The following STXBP6 variants were observed in gnomAD, a reference collection of about 807,000 sequenced individuals.
STXBP6 encodes syntaxin-binding protein 6.
A neutral mutation model predicts 26.9 loss-of-function variants in STXBP6; 21 were observed. That is an observed-to-expected ratio of 0.78 (90% CI 0.55 to 1.12). STXBP6 has a LOEUF of 1.12. Ranked by LOEUF, STXBP6 falls within the 50% of genes most tolerant of loss-of-function variation. The probability of loss-of-function intolerance (pLI) is 0.00; values close to 1 mark genes in which losing one functional copy is unlikely to be tolerated. For synonymous variants in STXBP6, 97 were observed against 92.6 expected (o/e 1.05, Z -0.27); for missense variants, 232 against 257.9 (o/e 0.90, Z 0.69).
chr14:25,017,893 T>A (rs2075184514), intron 1 of STXBP6, among the ~76,000 whole-genome samples: 1 of 152,172 alleles, frequency 6.6e-6, no homozygotes, highest in Non-Finnish European at 1.5e-5. Context: ...GAATCTCTGC[T>A]TGCTATCCAG....
rs149163302 is a variant in STXBP6 at position 24,824,793 on chromosome 14, G to C, written c.452-5599C>G. Among the ~76,000 whole-genome samples the C allele has an allele frequency of 1.8e-3, 281 of 152,288 alleles. 1 individual carries two copies. Among genetic ancestry groups the C allele is most frequent in the African/African-American group, 6.2e-3 (258 of 41,552 alleles). On this transcript the variant is annotated intron_variant, in intron 4 of 5. Coordinates refer to ENST00000323944, the MANE Select transcript of STXBP6 (RefSeq NM_001394410.1). Reference sequence around the variant, plus strand: ...TGAACATCAGTCAATCACAATCACAGAACAGCTACCATACTAGGTGGCAGG... The same window carrying C: ...TGAACATCAGTCAATCACAATCACACAACAGCTACCATACTAGGTGGCAGG...
chr14:25,041,812 G>A (rs1294798108), intron 1 of STXBP6, among the ~76,000 whole-genome samples: 4 of 152,176 alleles, frequency 2.6e-5, no homozygotes, highest in African/African-American at 4.8e-5. Context: ...ACCTGATGTC[G>A]ATGCAACAGC....
chr14:24,842,100 CAT>C (rs1334783541), intron 4 of STXBP6, among the ~76,000 whole-genome samples: 1 of 152,112 alleles, frequency 6.6e-6, no homozygotes, highest in Non-Finnish European at 1.5e-5. Context: ...TTCTGGGTAA[CAT>C]GTGGGATATG....
intron 1 of STXBP6, among the ~76,000 whole-genome samples, chr14:25,043,099 A>G (rs900629388): frequency 1.4e-4 from 22 of 152,256 alleles, no homozygotes; most frequent in African/African-American, 5.3e-4. Context: ...GGTGGATCAC[A>G]AGGAAGCCTG....
chr14:24,819,399 C>T, intron 4 of STXBP6: 1 of 620,830 alleles, frequency 1.6e-6, no homozygotes, highest in Non-Finnish European at 2.9e-6. Context: ...ACTGCAGGAC[C>T]TAGGAAAATC....
intron 2 of STXBP6, among the ~76,000 whole-genome samples, chr14:24,962,907 A>G (rs1031128046): frequency 8.0e-5 from 12 of 150,428 alleles, no homozygotes; most frequent in African/African-American, 3.0e-4. Flanking sequence ...AAATCCAGCA[A>G]TAGATGAATG....
At chr14:24,864,234 G>A (rs545073315) in intron 2 of STXBP6, among the ~76,000 whole-genome samples, 22 of 152,224 alleles carry the variant, frequency 1.4e-4, no homozygotes, top group African/African-American at 4.6e-4. Context: ...TCCACAAGAA[G>A]CTCAAAGGCT....
intron 2 of STXBP6, among the ~76,000 whole-genome samples, chr14:24,931,134 A>AAAAAAAAAAAACAAAACC (rs1566486307): frequency 8.5e-6 from 1 of 117,976 alleles, no homozygotes; most frequent in African/African-American, 3.4e-5. Context: ...AAAAAAAAAA[A>AAAAAAAAAAAACAAAACC]AAAAAAAACC....
At chr14:24,913,576 C>G (rs2071653043) in intron 2 of STXBP6, among the ~76,000 whole-genome samples, 1 of 152,170 alleles carries the variant, frequency 6.6e-6, no homozygotes, top group Non-Finnish European at 1.5e-5. Context: ...TCTGCAATCT[C>G]TTTTAGAACC....
intron 1 of STXBP6, among the ~76,000 whole-genome samples, chr14:24,995,724 C>T (rs2074584455): frequency 6.6e-6 from 1 of 152,016 alleles, no homozygotes. Context: ...CATTCATGGG[C>T]CAAGCACATG....
At chr14:24,959,593 T>C (rs1285578312) in intron 2 of STXBP6, among the ~76,000 whole-genome samples, 1 of 152,224 alleles carries the variant, frequency 6.6e-6, no homozygotes, top group African/African-American at 2.4e-5. Flanking sequence ...GTAAATGTTT[T>C]TGGAGACACA....
At chr14:25,037,488 G>A (rs554639480) in intron 1 of STXBP6, among the ~76,000 whole-genome samples, 2 of 152,220 alleles carry the variant, frequency 1.3e-5, no homozygotes, top group Admixed American at 1.3e-4. Context: ...CATTCAAATG[G>A]CATCTTCTCC....
At chr14:25,040,001 G>A (rs1156637802) in intron 1 of STXBP6, among the ~76,000 whole-genome samples, 6 of 152,054 alleles carry the variant, frequency 3.9e-5, no homozygotes, top group African/African-American at 9.7e-5. Flanking sequence ...GAGCCACTGC[G>A]CCTAGCCAGA....
intron 4 of STXBP6, among the ~76,000 whole-genome samples, chr14:24,844,892 C>T (rs2068902464): frequency 6.6e-6 from 1 of 152,022 alleles, no homozygotes; most frequent in Admixed American, 6.6e-5. Flanking sequence ...AGAGGTACAC[C>T]ACCAAGTTAT....
At chr14:24,945,205 G>A (rs1440879958) in intron 2 of STXBP6, among the ~76,000 whole-genome samples, 1 of 119,294 alleles carries the variant, frequency 8.4e-6, no homozygotes, top group Admixed American at 1.1e-4. Flanking sequence ...ATCATGGTTT[G>A]GCAAGTGTGT....
chr14:25,001,723 G>A lies in STXBP6; in HGVS notation c.-32-26873C>T, dbSNP rs575071344. On this transcript the variant is annotated intron_variant, in intron 1 of 5. Coordinates refer to ENST00000323944, the MANE Select transcript of STXBP6 (RefSeq NM_001394410.1). ...AACATCTGTTTCAAAATCTGGGCTC[G>A]ATCATTACTTTGTCTCTTCAGACTG... is the stretch of plus-strand genomic sequence containing the variant. 5.3e-5 allele frequency among the ~76,000 whole-genome samples: 8 copies of A among 152,212 alleles called. No homozygotes were observed. The South Asian group carries it at 1.5e-3, about 28-fold the overall frequency.
chr14:24,847,115 T>C (rs2068990398), intron 4 of STXBP6, among the ~76,000 whole-genome samples: 1 of 152,144 alleles, frequency 6.6e-6, no homozygotes, highest in Admixed American at 6.5e-5. Context: ...ATTTGACAAA[T>C]TACTAAATGA....
rs116075326 is a variant in STXBP6 at position 24,971,331 on chromosome 14, C to G, written c.154+3334G>C. Among the ~76,000 whole-genome samples the G allele has an allele frequency of 7.0e-3, 1,063 of 152,310 alleles. 11 individuals are homozygous for G. The highest frequency in any genetic ancestry group is 0.024 in the African/African-American group (998 of 41,576). ...GCAAGCTTTTAAAGTAGTGATACTT[C>G]TCCCTTTTTTAAAATTTGATGCTTC... On this transcript the variant is annotated intron_variant, in intron 2 of 5. Transcript: ENST00000323944.
chr14:25,015,341 G>A (rs2075125617), intron 1 of STXBP6, among the ~76,000 whole-genome samples: 1 of 152,076 alleles, frequency 6.6e-6, no homozygotes, highest in Non-Finnish European at 1.5e-5. Flanking sequence ...GGGGCCTCTT[G>A]TGCACTCCTC....
Sources: gnomAD v4.1 joint callset for allele counts (sites outside exome capture counted in the v4.1 genomes callset) on GRCh38, gnomAD v4.1.1 for gene constraint, MANE v1.5 for transcripts, NCBI Gene and HGNC (gene_info 2026-07-23, HGNC 2026-07-21) for gene names.